The following RAMP3 variants were observed in gnomAD, a reference collection of about 807,000 sequenced individuals.
The protein encoded by RAMP3 is receptor activity modifying protein 3.
Under a neutral mutation model 13.5 loss-of-function variants are expected in RAMP3, and 14 were observed. The observed-to-expected ratio is 1.04, with a 90% CI of 0.69 to 1.63. RAMP3 has a LOEUF of 1.63. Among genes scored for constraint, RAMP3 ranks in the 40% most tolerant of loss-of-function variants. RAMP3 has a pLI of 0.00. For missense variants in RAMP3, 200 were observed against 204.8 expected, an observed-to-expected ratio of 0.98 and a Z score of 0.14; for synonymous variants, 106 against 88.3, an observed-to-expected ratio of 1.20 and a Z score of -1.12.
At chr7:45,167,119 G>A (rs1785978591) in intron 1 of RAMP3, among the ~76,000 whole-genome samples, 1 of 152,088 alleles carries the variant, frequency 6.6e-6, no homozygotes, top group South Asian at 2.1e-4. Flanking sequence ...TACCTCGCCC[G>A]GCTAATTTTT....
In RAMP3 at chr7:45,160,606, G is replaced by A. The variant is rs547776458; in HGVS notation, c.58+2720G>A. Among the ~76,000 whole-genome samples the A allele has an allele frequency of 9.6e-4, 146 of 152,166 alleles. 1 individual carries two copies. The highest frequency in any genetic ancestry group is 3.5e-3 in the African/African-American group (145 of 41,524). ...GCAGCCACTTGCCAGTCTCGTCGATGCTCTTTCTGTCAAGGAGGGGGAGAG... is the reference window on the plus strand; with the variant it reads ...GCAGCCACTTGCCAGTCTCGTCGATACTCTTTCTGTCAAGGAGGGGGAGAG... On this transcript the variant is annotated intron_variant, in intron 1 of 2. Coordinates refer to ENST00000242249, the MANE Select transcript of RAMP3 (RefSeq NM_005856.3).
intron 1 of RAMP3, among the ~76,000 whole-genome samples, chr7:45,171,304 C>T (rs200793386): frequency 6.6e-6 from 1 of 152,098 alleles, no homozygotes; most frequent in East Asian, 1.9e-4. Context: ...TACAGGTGTG[C>T]ACCACTGTGC....
intron 1 of RAMP3, among the ~76,000 whole-genome samples, chr7:45,170,288 G>A (rs7784847): frequency 0.26 from 39,753 of 151,050 alleles, 6,298 homozygotes; most frequent in African/African-American, 0.44. Flanking sequence ...GGTGCCTTAG[G>A]GTGGAAGGCT....
chr7:45,179,583 G>C (rs1786262842), intron 2 of RAMP3, among the ~76,000 whole-genome samples: 1 of 152,234 alleles, frequency 6.6e-6, no homozygotes, highest in Admixed American at 6.5e-5. Flanking sequence ...AAGTGAAATG[G>C]AATAGAAAGG....
intron 1 of RAMP3, among the ~76,000 whole-genome samples, chr7:45,161,135 A>G (rs35474654): frequency 0.015 from 1,210 of 81,418 alleles, 26 homozygotes; most frequent in African/African-American, 0.11. Context: ...AATCTGCCTG[A>G]GCCAGGTCCT....
At chr7:45,160,185 A>C (rs1244143553) in intron 1 of RAMP3, among the ~76,000 whole-genome samples, 1 of 151,742 alleles carries the variant, frequency 6.6e-6, no homozygotes, top group East Asian at 1.9e-4. Context: ...ACAAAATATT[A>C]GCCGGGTGTG....
chr7:45,183,404 C>G lies in RAMP3; in HGVS notation c.439C>G (p.Leu147Val). 1 of 1,612,390 alleles carries G rather than the reference C, an allele frequency of 6.2e-7. No homozygotes were observed. Among genetic ancestry groups the G allele is most frequent in the Non-Finnish European group, 8.5e-7 (1 of 1,179,982 alleles). The change falls in exon 3 of 3, where the codon CTG becomes GTG. Residue 147 changes from leucine to valine, a missense_variant. Physicochemically the swap from Leu to Val is conservative, Grantham distance 32. Transcript: ENST00000242249. ...VVWRSKRTDT[L>V]L ...GTGGCGCAGCAAACGCACCGACACG[C>G]TGCTGTGAGGGTCCCGGTGAGATGG...
Position 45,177,526 on chromosome 7 carries a change from A to C in RAMP3, c.191+85A>C, listed in dbSNP as rs1786216419. The C allele has an allele frequency of 1.9e-6, 3 of 1,579,000 alleles. No homozygotes were observed. In the South Asian group the frequency reaches 3.5e-5, roughly 18 times the overall value. On this transcript the variant is annotated intron_variant, in intron 2 of 2. Transcript: ENST00000242249. The stretch of plus-strand genomic sequence containing the variant: ...CACTGCCTGACCACAGCCTGACCGC[A>C]CTCTACCCAAGGCCTCACCCATGCC...
chr7:45,165,550 A>T (rs1474173899), intron 1 of RAMP3, among the ~76,000 whole-genome samples: 1 of 152,246 alleles, frequency 6.6e-6, no homozygotes, highest in Admixed American at 6.5e-5. Context: ...GATATAATTC[A>T]CATGCCACAC....
intron 1 of RAMP3, among the ~76,000 whole-genome samples, chr7:45,162,007 C>T (rs10248889): frequency 0.025 from 3,874 of 152,206 alleles, 177 homozygotes; most frequent in African/African-American, 0.088. Flanking sequence ...GCTAGGCGAA[C>T]CTTCAGAGTC....
chr7:45,163,275 C>T lies in RAMP3; in HGVS notation c.58+5389C>T, dbSNP rs577866142. 12 of 985,462 alleles carry T rather than the reference C, an allele frequency of 1.2e-5. No homozygotes were observed. The East Asian group carries it at 1.2e-3, about 102-fold the overall frequency. 61.0% of individuals were successfully genotyped at this position (985,462 alleles called of 1,614,324 possible). On this transcript the variant is annotated intron_variant, in intron 1 of 2. Transcript: ENST00000242249. ...GGAACTAGGGATAGAGCCCCCAAGC[C>T]TCAGGGCTTTCTGGGTGGGTTCATG...
intron 1 of RAMP3, among the ~76,000 whole-genome samples, chr7:45,159,087 C>T (rs759378251): frequency 5.3e-5 from 8 of 152,192 alleles, no homozygotes; most frequent in Non-Finnish European, 8.8e-5. Context: ...TGAGAAGGAC[C>T]ACAGGCTTCC....
At chr7:45,180,291 T>C (rs1294931) in intron 2 of RAMP3, among the ~76,000 whole-genome samples, 63,280 of 152,162 alleles carry the variant, frequency 0.42, 14,279 homozygotes, top group Admixed American at 0.51. Flanking sequence ...CCTGACATGG[T>C]GACTGCCTGC....
At chr7:45,158,605 T>C (rs533426518) in intron 1 of RAMP3, among the ~76,000 whole-genome samples, 1 of 152,164 alleles carries the variant, frequency 6.6e-6, no homozygotes, top group South Asian at 2.1e-4. Context: ...GTAAAGGCTG[T>C]TGGGGAAGAG....
At chr7:45,174,079 A>C (rs887843344) in intron 1 of RAMP3, among the ~76,000 whole-genome samples, 1 of 152,182 alleles carries the variant, frequency 6.6e-6, no homozygotes, top group Non-Finnish European at 1.5e-5. Context: ...CAGTGAGAGC[A>C]GACAGGATGG....
intron 1 of RAMP3, among the ~76,000 whole-genome samples, chr7:45,158,427 T>C (rs535216436): frequency 2.0e-5 from 3 of 152,244 alleles, no homozygotes; most frequent in Non-Finnish European, 2.9e-5. Flanking sequence ...GCGGGGCGAC[T>C]CTCTGAGCCA....
chr7:45,184,021 A>G lies in RAMP3; in HGVS notation c.*609A>G, dbSNP rs1257493214. On this transcript the variant is annotated 3_prime_UTR_variant, in exon 3 of 3. Transcript: ENST00000242249. ...GAGCCATGCGTGGCCTGCAGAGTCC[A>G]TTCCATCATGATGCTGTGCCCGCTA... 2 of 408,744 alleles carry G rather than the reference A, an allele frequency of 4.9e-6. No homozygotes were observed. The highest frequency in any genetic ancestry group is 2.0e-5 in the African/African-American group (1 of 48,840). The allele number at this position is 408,744 out of a possible 1,614,324, so 25.3% of individuals were successfully genotyped here. A position where few individuals can be genotyped will look rare whatever the true frequency, so the allele number is the denominator to read the frequency against.
At chr7:45,162,790 A>G (rs941772223) in intron 1 of RAMP3, among the ~76,000 whole-genome samples, 1 of 152,138 alleles carries the variant, frequency 6.6e-6, no homozygotes, top group African/African-American at 2.4e-5. Flanking sequence ...GAATGGGGAC[A>G]TTGAGGCTCA....
At chr7:45,177,250 C>G in intron 1 of RAMP3, 59 bp from the exon 2 acceptor site, 1 of 1,607,324 alleles carries the variant, frequency 6.2e-7, no homozygotes, top group Non-Finnish European at 8.5e-7. Flanking sequence ...TGGGCCTCCC[C>G]TGTCCTGGCA....
Sources: gnomAD v4.1 joint callset for allele counts (sites outside exome capture counted in the v4.1 genomes callset) on GRCh38, gnomAD v4.1.1 for gene constraint, MANE v1.5 for transcripts, NCBI Gene and HGNC (gene_info 2026-07-23, HGNC 2026-07-21) for gene names.